CFAP300: variants seen among roughly 807,000 people sequenced by gnomAD.
CFAP300 encodes the protein cilia- and flagella-associated protein 300.
CFAP300 carries 32 observed loss-of-function variants against 33.0 expected under a neutral mutation model. The ratio of observed to expected loss-of-function variants is 0.97; its 90% CI spans 0.73 to 1.30. The LOEUF (loss-of-function observed/expected upper bound fraction) is 1.30. Among genes scored for constraint, CFAP300 ranks in the 50% most tolerant of loss-of-function variants. The pLI is 0.00. For synonymous variants in CFAP300, 102 were observed against 106.8 expected (o/e 0.95, Z 0.28); for missense variants, 356 against 318.1 (o/e 1.12, Z -0.90).
rs115819006 is a variant in CFAP300 at position 102,059,684 on chromosome 11, G to A, written c.268+729G>A. ...AAATGTAAAAGTGTGGGCAAGAATG[G>A]TCAGTTCTGCCCAGAGGGAAAAGAT... On this transcript the variant is annotated intron_variant, in intron 3 of 6. Coordinates refer to ENST00000434758, the MANE Select transcript of CFAP300 (RefSeq NM_032930.3). 6.1e-3 allele frequency among the ~76,000 whole-genome samples: 929 copies of A among 152,148 alleles called. 12 individuals carry two copies. Among genetic ancestry groups the A allele is most frequent in the African/African-American group, 0.022 (901 of 41,516 alleles).
chr11:102,082,639 G>A (rs1388916380), intron 6 of CFAP300, among the ~76,000 whole-genome samples: 2 of 152,112 alleles, frequency 1.3e-5, no homozygotes, highest in Admixed American at 6.6e-5. Flanking sequence ...CATGTTTCCT[G>A]TTTTGACAGA....
At chr11:102,075,257 T>A (rs920689039) in intron 4 of CFAP300, among the ~76,000 whole-genome samples, 3 of 152,194 alleles carry the variant, frequency 2.0e-5, no homozygotes, top group African/African-American at 7.2e-5. Context: ...ATCCCCTACA[T>A]CGGATCTAGT....
intron 6 of CFAP300, among the ~76,000 whole-genome samples, chr11:102,082,450 A>G (rs2135054579): frequency 6.6e-6 from 1 of 152,272 alleles, no homozygotes; most frequent in Non-Finnish European, 1.5e-5. Context: ...TTGCAATATT[A>G]GCACTTTAAA....
intron 5 of CFAP300, among the ~76,000 whole-genome samples, chr11:102,080,174 T>G (rs1251296543): frequency 6.6e-6 from 1 of 152,102 alleles, no homozygotes; most frequent in Admixed American, 6.5e-5. Context: ...TTACAAACTG[T>G]AAGGCATTAT....
chr11:102,048,578 A>G (rs1318065146), intron 2 of CFAP300, among the ~76,000 whole-genome samples: 1 of 152,140 alleles, frequency 6.6e-6, no homozygotes, highest in Non-Finnish European at 1.5e-5. Flanking sequence ...TACTAGCTCC[A>G]AATTACTTTC....
chr11:102,048,341 C>T (rs1324585237), intron 2 of CFAP300, among the ~76,000 whole-genome samples: 2 of 152,034 alleles, frequency 1.3e-5, no homozygotes, highest in Non-Finnish European at 2.9e-5. Context: ...GCTCAAGCTT[C>T]CTGAATAGCT....
In CFAP300 at chr11:102,047,822, C is replaced by A. The variant is rs776255326; in HGVS notation, c.118C>A (p.Leu40Met). ...TTTCCTCCTCTGCCCCAGGTCCATG[C>A]TGGGCAGAATCAAGGCGCAGGCGTT... The part of the protein sequence containing the change: ...ITSRLRQWSM[L>M]GRIKAQAFGF... The change falls in exon 2 of 7, where the codon CTG becomes ATG. Residue 40 changes from leucine to methionine, a missense_variant. Leu to Met is a conservative substitution (Grantham distance 15). Coordinates refer to ENST00000434758, the MANE Select transcript of CFAP300 (RefSeq NM_032930.3). 10 of 1,614,010 alleles carry A rather than the reference C, an allele frequency of 6.2e-6. No individual in the cohort carries two copies. Among genetic ancestry groups the A allele is most frequent in the Non-Finnish European group, 8.5e-6 (10 of 1,180,018 alleles).
Position 102,047,474 on chromosome 11 carries a change from G to A in CFAP300, c.4G>A (p.Ala2Thr), listed in dbSNP as rs1318514383. The A allele has an allele frequency of 6.5e-7, 1 of 1,535,886 alleles. No homozygotes were observed. Among genetic ancestry groups the A allele is most frequent in the South Asian group, 1.2e-5 (1 of 84,058 alleles). The change falls in exon 1 of 7, where the codon GCT (alanine) becomes ACT (threonine). Residue 2 changes from alanine to threonine, a missense_variant. Coordinates refer to ENST00000434758, the MANE Select transcript of CFAP300 (RefSeq NM_032930.3). ...CATCCACCCAGCCGAGAGCACGATG[G>A]CTACTGGGGAGCTCGGGGACTTGGG... M[A>T]TGELGDLGGY... is the part of the protein sequence containing the mutation.
intron 5 of CFAP300, among the ~76,000 whole-genome samples, chr11:102,078,033 AGC>A (rs1208951753): frequency 6.6e-6 from 1 of 151,730 alleles, no homozygotes; most frequent in African/African-American, 2.4e-5. Context: ...TGGGATCACA[AGC>A]ACACACCACT....
At chr11:102,070,486 A>T (rs1381215991) in intron 4 of CFAP300, among the ~76,000 whole-genome samples, 1 of 152,190 alleles carries the variant, frequency 6.6e-6, no homozygotes, top group Non-Finnish European at 1.5e-5. Context: ...AGTGTAATGT[A>T]CAATTTTGAT....
intron 4 of CFAP300, among the ~76,000 whole-genome samples, chr11:102,071,710 TA>T (rs1411288272): frequency 6.6e-6 from 1 of 152,162 alleles, no homozygotes; most frequent in East Asian, 1.9e-4. Flanking sequence ...TTATGAAGGA[TA>T]ATTTTGCTGG....
intron 2 of CFAP300, among the ~76,000 whole-genome samples, chr11:102,052,661 T>C (rs1272585658): frequency 1.3e-5 from 2 of 152,342 alleles, no homozygotes; most frequent in African/African-American, 4.8e-5. Flanking sequence ...TTAAATAGCA[T>C]TTATTAAATG....
chr11:102,061,473 CTGTT>C (rs1376394256), intron 3 of CFAP300, among the ~76,000 whole-genome samples: 1 of 152,164 alleles, frequency 6.6e-6, no homozygotes, highest in Admixed American at 6.5e-5. Context: ...GTTGTCGGTG[CTGTT>C]TTATCCTCTC....
chr11:102,079,946 C>T (rs1942450642), intron 5 of CFAP300, among the ~76,000 whole-genome samples: 3 of 152,012 alleles, frequency 2.0e-5, no homozygotes, highest in Admixed American at 2.0e-4. Context: ...TAATGCCTAC[C>T]TCAATGAGTT....
chr11:102,077,146 C>T (rs971928642), intron 5 of CFAP300, among the ~76,000 whole-genome samples: 7 of 152,132 alleles, frequency 4.6e-5, no homozygotes, highest in Admixed American at 6.6e-5. Context: ...ACTACCACAA[C>T]GCGTTGTACC....
rs1454074140 is a variant in CFAP300, at chr11:102,083,199, A to G, written c.804A>G (p.Ter268=). The change falls in exon 7 of 7, where the codon TAA becomes TAG. Residue 268 remains the stop codon, a stop_retained_variant. Coordinates refer to ENST00000434758, the MANE Select transcript of CFAP300 (RefSeq NM_032930.3). ...YHCYGVGDMS[*] ...GTTATGGTGTGGGAGACATGTCTTA[A>G]TGTTCTTTCAGATTATGTACCTCTA... 1.3e-6 allele frequency: 2 copies of G among 1,482,928 alleles called. No individual in the cohort carries two copies. The highest frequency in any genetic ancestry group is 1.5e-5 in the South Asian group (1 of 67,276). 91.9% of individuals were successfully genotyped at this position (1,482,928 alleles called of 1,614,324 possible).
intron 6 of CFAP300, among the ~76,000 whole-genome samples, chr11:102,082,387 A>T (rs1045247988): frequency 2.6e-5 from 4 of 152,106 alleles, no homozygotes; most frequent in East Asian, 1.9e-4. Context: ...TCCAAAAAAA[A>T]TTTAAAAAAA....
intron 4 of CFAP300, among the ~76,000 whole-genome samples, chr11:102,074,274 T>G (rs1371706487): frequency 6.6e-6 from 1 of 152,026 alleles, no homozygotes; most frequent in Non-Finnish European, 1.5e-5. Context: ...CATTGTGTGG[T>G]CTCCAGGCAG....
Position 102,050,238 on chromosome 11 carries a change from T to G in CFAP300, c.192+2342T>G, listed in dbSNP as rs145453632. On this transcript the variant is annotated intron_variant, in intron 2 of 6. Transcript: ENST00000434758. ...GCACTTTTTATATTATGTTTATCAT[T>G]AATCTTTACAACAATCTGCCAGGTT... Among the ~76,000 whole-genome samples, 664 of 152,340 alleles carry G rather than the reference T, an allele frequency of 4.4e-3. 5 individuals are homozygous for G. The highest frequency in any genetic ancestry group is 0.015 in the African/African-American group (638 of 41,578).
Sources: allele counts gnomAD v4.1 joint callset (sites outside exome capture counted in the v4.1 genomes callset), GRCh38; gene constraint gnomAD v4.1.1; transcripts MANE v1.5; gene names NCBI Gene and HGNC (gene_info 2026-07-23, HGNC 2026-07-21).